Variants in SLC49A4 observed in about 807,000 individuals in gnomAD.
The protein encoded by SLC49A4 is solute carrier family 49 member 4.
SLC49A4 carries 36 observed loss-of-function variants against 50.6 expected under a neutral mutation model. That is an observed-to-expected ratio of 0.71 (90% confidence interval 0.55 to 0.94). SLC49A4 has a LOEUF of 0.94. Ranked by LOEUF, SLC49A4 falls within the 40% of genes least tolerant of loss-of-function variation. SLC49A4 has a pLI of 0.00. For missense variants in SLC49A4, 503 were observed against 605.7 expected, an observed-to-expected ratio of 0.83 and a Z score of 1.78; for synonymous variants, 248 against 241.2, an observed-to-expected ratio of 1.03 and a Z score of -0.26.
intron 6 of SLC49A4, 137 bp downstream of exon 6, chr3:122,856,511 A>T (rs1936991707): frequency 1.3e-6 from 1 of 788,818 alleles, no homozygotes; most frequent in South Asian, 1.7e-5. Flanking sequence ...ACTTGTTCAG[A>T]GTACAAGAAA....
chr3:122,866,136 A>G (rs1246792877), intron 7 of SLC49A4, among the ~76,000 whole-genome samples: 2 of 151,232 alleles, frequency 1.3e-5, no homozygotes, highest in African/African-American at 4.9e-5. Context: ...GGCTAAAGCT[A>G]TCCTCCCACC....
Position 122,795,408 on chromosome 3 carries a change from G to C in SLC49A4, c.216G>C (p.Trp72Cys). The C allele has an allele frequency of 1.2e-6, 2 of 1,607,468 alleles. No individual in the cohort carries two copies. The highest frequency in any genetic ancestry group is 8.5e-7 in the Non-Finnish European group (1 of 1,178,902). Residue 72 changes from tryptophan (W) to cysteine (C), a missense_variant, in exon 1 of 9, where the codon TGG becomes TGC. Trp to Cys is a radical substitution (Grantham distance 215). Coordinates refer to ENST00000261038, the MANE Select transcript of SLC49A4 (RefSeq NM_032839.3). ...TTCAGGGCCTGGTCTGGAACACCTG[G>C]GGTCCCATCCAGAACTCGGCGCGCC... Reference protein sequence around the residue: ...AFVQGLVWNTWGPIQNSARQA... With the variant: ...AFVQGLVWNTCGPIQNSARQA...
chr3:122,822,066 C>T (rs1331373083), intron 2 of SLC49A4, among the ~76,000 whole-genome samples: 1 of 152,126 alleles, frequency 6.6e-6, no homozygotes, highest in African/African-American at 2.4e-5. Flanking sequence ...GGAGTGAGGC[C>T]TGTGGGGACT....
chr3:122,856,219 CAT>C (rs1449977887), intron 5 of SLC49A4, 86 bp from the exon 6 acceptor site: 10 of 1,206,720 alleles, frequency 8.3e-6, no homozygotes, highest in African/African-American at 6.1e-5. Context: ...TAGCTACTAA[CAT>C]ATTGATTATA....
intron 8 of SLC49A4, among the ~76,000 whole-genome samples, chr3:122,877,289 G>A (rs1280164230): frequency 2.6e-5 from 4 of 152,234 alleles, no homozygotes; most frequent in East Asian, 1.9e-4. Context: ...AAATAATTTC[G>A]AAGAACACTT....
chr3:122,847,195 A>C (rs1412394347), intron 5 of SLC49A4, among the ~76,000 whole-genome samples: 1 of 151,804 alleles, frequency 6.6e-6, no homozygotes, highest in Non-Finnish European at 1.5e-5. Flanking sequence ...GAGAGTTTGG[A>C]GATCTATCCT....
rs777907899 is a variant in SLC49A4 at position 122,827,073 on chromosome 3, G to T, written c.703+8G>T. ...AGGCTGTGTTATATGCAGGTAATTT[G>T]AAGTTTATTTTCTTCTTGTTATACT... On this transcript the variant is annotated splice_region_variant and intron_variant, in intron 3 of 8. Transcript: ENST00000261038. The T allele has an allele frequency of 2.6e-5, 42 of 1,594,800 alleles. No individual in the cohort carries two copies. The highest frequency in any genetic ancestry group is 3.4e-5 in the Non-Finnish European group (40 of 1,165,306).
At chr3:122,868,333 G>GA (rs1001242769) in intron 7 of SLC49A4, among the ~76,000 whole-genome samples, 2 of 151,692 alleles carry the variant, frequency 1.3e-5, no homozygotes, top group South Asian at 2.1e-4. Flanking sequence ...CTTTTTATTA[G>GA]AAAAAAAACT....
At chr3:122,810,910 C>T (rs990496849) in intron 2 of SLC49A4, among the ~76,000 whole-genome samples, 3 of 152,168 alleles carry the variant, frequency 2.0e-5, no homozygotes, top group African/African-American at 7.2e-5. Context: ...ACCTAGATCC[C>T]TCCCTTACCA....
At chr3:122,857,211 T>C (rs1936999854) in intron 6 of SLC49A4, among the ~76,000 whole-genome samples, 1 of 150,268 alleles carries the variant, frequency 6.7e-6, no homozygotes, top group African/African-American at 2.5e-5. Context: ...CATCACACTC[T>C]CTTTGATCAT....
intron 2 of SLC49A4, among the ~76,000 whole-genome samples, chr3:122,808,801 A>T (rs1447772574): frequency 6.6e-6 from 1 of 152,218 alleles, no homozygotes; most frequent in Non-Finnish European, 1.5e-5. Flanking sequence ...TAGTGGTGGC[A>T]GTGGGAGTGG....
At chr3:122,857,534 A>C (rs1937004539) in intron 6 of SLC49A4, among the ~76,000 whole-genome samples, 1 of 152,204 alleles carries the variant, frequency 6.6e-6, no homozygotes, top group African/African-American at 2.4e-5. Context: ...TAATTGATAC[A>C]GGATAATGTT....
chr3:122,845,426 C>T (rs1166552140), intron 4 of SLC49A4, among the ~76,000 whole-genome samples: 4 of 152,084 alleles, frequency 2.6e-5, no homozygotes, highest in Non-Finnish European at 2.9e-5. Context: ...GCAGTGAATA[C>T]ACTCGTGCAT....
intron 7 of SLC49A4, among the ~76,000 whole-genome samples, chr3:122,868,523 G>A (rs1435995221): frequency 6.6e-6 from 1 of 152,178 alleles, no homozygotes; most frequent in East Asian, 1.9e-4. Flanking sequence ...TTTAATAGAT[G>A]ACATTCACCC....
chr3:122,838,107 G>T (rs1437306185), intron 4 of SLC49A4, among the ~76,000 whole-genome samples: 4 of 151,836 alleles, frequency 2.6e-5, no homozygotes, highest in African/African-American at 7.3e-5. Context: ...TACACTGTTG[G>T]TGGGACTGTA....
At chr3:122,836,510 A>G (rs1209641238) in intron 4 of SLC49A4, among the ~76,000 whole-genome samples, 3 of 152,170 alleles carry the variant, frequency 2.0e-5, no homozygotes, top group Non-Finnish European at 4.4e-5. Context: ...CTGGCCTCAT[A>G]AAATGAGTTA....
chr3:122,804,235 T>A (rs936350245), intron 1 of SLC49A4, among the ~76,000 whole-genome samples: 3 of 152,132 alleles, frequency 2.0e-5, no homozygotes, highest in African/African-American at 7.2e-5. Flanking sequence ...GGGAGGGGGA[T>A]GCCACACACT....
At chr3:122,823,722 A>AG (rs1936484618) in intron 2 of SLC49A4, among the ~76,000 whole-genome samples, 1 of 152,240 alleles carries the variant, frequency 6.6e-6, no homozygotes, top group South Asian at 2.1e-4. Context: ...ATATTTTTCC[A>AG]GAAAAAATGT....
intron 1 of SLC49A4, among the ~76,000 whole-genome samples, chr3:122,803,783 C>T (rs1389129374): frequency 1.3e-5 from 2 of 152,188 alleles, no homozygotes; most frequent in Non-Finnish European, 2.9e-5. Flanking sequence ...GATTTCCATT[C>T]CTACACTCAA....
Sources: gnomAD v4.1 joint callset for allele counts (sites outside exome capture counted in the v4.1 genomes callset) on GRCh38, gnomAD v4.1.1 for gene constraint, MANE v1.5 for transcripts, NCBI Gene and HGNC (gene_info 2026-07-23, HGNC 2026-07-21) for gene names.